TAFA2: variants seen among roughly 807,000 people sequenced by gnomAD.
TAFA2 encodes the protein TAFA chemokine like family member 2.
A neutral mutation model predicts 18.8 loss-of-function variants in TAFA2; 7 were observed. The ratio of observed to expected loss-of-function variants is 0.37; its 90% CI spans 0.21 to 0.70. The LOEUF is 0.70. Ranked by LOEUF, TAFA2 falls within the 30% of genes least tolerant of loss-of-function variation. TAFA2 has a pLI of 0.53. For missense variants in TAFA2, 122 were observed against 158.1 expected (o/e 0.77, Z 1.23); for synonymous variants, 60 against 54.2 (o/e 1.11, Z -0.47).
At chr12:62,067,289 C>T (rs1032065935) in intron 1 of TAFA2, among the ~76,000 whole-genome samples, 8 of 151,896 alleles carry the variant, frequency 5.3e-5, no homozygotes, top group Non-Finnish European at 1.5e-5. Flanking sequence ...TTGATTGTTT[C>T]CTTTGCTGTG....
chr12:62,070,746 A>G lies in TAFA2; in HGVS notation c.-2+120513T>C, dbSNP rs561246205. Among the ~76,000 whole-genome samples, 4 of 152,316 alleles carry G rather than the reference A, an allele frequency of 2.6e-5. No individual in the cohort carries two copies. The South Asian group carries it at 8.3e-4, about 32-fold the overall frequency. Reference sequence around the variant, plus strand: ...AAATAATCATGAATATCATATTAGTATATTATAAGCTGTCACTACACTCTT... The same window carrying G: ...AAATAATCATGAATATCATATTAGTGTATTATAAGCTGTCACTACACTCTT... On this transcript the variant is annotated intron_variant, in intron 1 of 4. Transcript: ENST00000416284.
At chr12:61,859,738 C>T (rs907258610) in intron 2 of TAFA2, among the ~76,000 whole-genome samples, 3 of 152,090 alleles carry the variant, frequency 2.0e-5, no homozygotes, top group East Asian at 1.9e-4. Context: ...CACCACGCCC[C>T]GCCCAGAAAA....
intron 1 of TAFA2, among the ~76,000 whole-genome samples, chr12:61,945,953 C>A (rs1311212867): frequency 2.8e-5 from 4 of 144,934 alleles, no homozygotes; most frequent in Non-Finnish European, 4.5e-5. Context: ...TTGGAAAAAA[C>A]TACTTTAAAG....
chr12:61,778,141 G>A (rs1870349877), intron 2 of TAFA2, among the ~76,000 whole-genome samples: 1 of 151,800 alleles, frequency 6.6e-6, no homozygotes, highest in Non-Finnish European at 1.5e-5. Context: ...AGTGTTCTAA[G>A]GATGAAATGA....
intron 1 of TAFA2, among the ~76,000 whole-genome samples, chr12:61,935,644 AT>A (rs1877731479): frequency 6.6e-6 from 1 of 152,200 alleles, no homozygotes. Context: ...AATAGTGAAT[AT>A]TTCTCATTTT....
At chr12:61,954,161 T>A (rs1031759078) in intron 1 of TAFA2, among the ~76,000 whole-genome samples, 1 of 152,138 alleles carries the variant, frequency 6.6e-6, no homozygotes, top group African/African-American at 2.4e-5. Context: ...TGTTTATCAT[T>A]TCACACTCTA....
chr12:61,949,496 T>A (rs926867308), intron 1 of TAFA2, among the ~76,000 whole-genome samples: 9 of 152,018 alleles, frequency 5.9e-5, no homozygotes, highest in African/African-American at 2.2e-4. Context: ...CAATGGGGAT[T>A]AAAAAAGCAA....
intron 1 of TAFA2, among the ~76,000 whole-genome samples, chr12:61,988,180 C>T (rs889618752): frequency 6.6e-6 from 1 of 152,092 alleles, no homozygotes; most frequent in Non-Finnish European, 1.5e-5. Context: ...ATGCCTTTCT[C>T]ATGAGGGAGA....
chr12:62,105,361 T>C (rs1020011867), intron 1 of TAFA2, among the ~76,000 whole-genome samples: 1 of 152,220 alleles, frequency 6.6e-6, no homozygotes, highest in African/African-American at 2.4e-5. Context: ...AGCCTTTGTT[T>C]TCCTGCCTGT....
At chr12:62,174,066 C>T (rs771306483) in intron 1 of TAFA2, among the ~76,000 whole-genome samples, 11 of 152,068 alleles carry the variant, frequency 7.2e-5, no homozygotes, top group Non-Finnish European at 1.5e-4. Context: ...CCAAGGTGGG[C>T]GGATCGCTTG....
At chr12:61,939,582 C>T (rs755633486) in intron 1 of TAFA2, among the ~76,000 whole-genome samples, 7 of 152,114 alleles carry the variant, frequency 4.6e-5, no homozygotes, top group Non-Finnish European at 7.4e-5. Flanking sequence ...TTTCAAATTC[C>T]GCATCTATAA....
chr12:62,194,729 G>A (rs545026050), upstream of TAFA2, among the ~76,000 whole-genome samples: 1 of 152,222 alleles, frequency 6.6e-6, no homozygotes, highest in East Asian at 1.9e-4. Context: ...TAATTTAACA[G>A]AAATTTTTTG....
intron 1 of TAFA2, among the ~76,000 whole-genome samples, chr12:62,141,545 G>A (rs2062239468): frequency 1.3e-5 from 2 of 152,082 alleles, no homozygotes. Flanking sequence ...AATTTTGCCT[G>A]ACATTTTGAC....
chr12:62,194,669 T>C (rs1245663), upstream of TAFA2, among the ~76,000 whole-genome samples: 133,721 of 152,260 alleles, frequency 0.88, 58,817 homozygotes, highest in Middle Eastern at 0.93. Context: ...CTAGACAAAA[T>C]AAAATCTTTT....
intron 2 of TAFA2, among the ~76,000 whole-genome samples, chr12:61,767,173 A>G (rs887643669): frequency 6.6e-6 from 1 of 152,154 alleles, no homozygotes; most frequent in African/African-American, 2.4e-5. Context: ...TCATCAGAGA[A>G]GCAATGTGGC....
chr12:62,157,504 T>G, intron 1 of TAFA2, among the ~76,000 whole-genome samples: 1 of 152,210 alleles, frequency 6.6e-6, no homozygotes, highest in Middle Eastern at 3.2e-3. Flanking sequence ...ACACCTTATC[T>G]TCACCTACAG....
At chr12:61,718,456 AAC>A (rs1021573885) in intron 4 of TAFA2, among the ~76,000 whole-genome samples, 16 of 152,144 alleles carry the variant, frequency 1.1e-4, no homozygotes, top group African/African-American at 3.9e-4. Flanking sequence ...TTGGTACCCC[AAC>A]ACACACACAC....
At chr12:62,073,421 GTTA>G (rs1232119176) in intron 1 of TAFA2, among the ~76,000 whole-genome samples, 1 of 150,820 alleles carries the variant, frequency 6.6e-6, no homozygotes, top group African/African-American at 2.4e-5. Context: ...ATAGGTAGGT[GTTA>G]TTATCTTATC....
chr12:61,781,270 G>T (rs1870491386), intron 2 of TAFA2, among the ~76,000 whole-genome samples: 1 of 151,644 alleles, frequency 6.6e-6, no homozygotes, highest in African/African-American at 2.4e-5. Flanking sequence ...AGAATAAAAG[G>T]CAGGAGAATG....
Sources: gnomAD v4.1 joint callset for allele counts (sites outside exome capture counted in the v4.1 genomes callset) on GRCh38, gnomAD v4.1.1 for gene constraint, MANE v1.5 for transcripts, NCBI Gene and HGNC (gene_info 2026-07-23, HGNC 2026-07-21) for gene names.